The following CDH6 variants were observed in gnomAD, a reference collection of about 807,000 sequenced individuals.
CDH6 encodes the protein cadherin 6.
In CDH6, 31 loss-of-function variants were observed where a neutral mutation model predicts 78.0. The ratio of observed to expected loss-of-function variants is 0.40; its 90% CI spans 0.30 to 0.54. The LOEUF (loss-of-function observed/expected upper bound fraction) is 0.54. Ranked by LOEUF, CDH6 falls within the 20% of genes least tolerant of loss-of-function variation. The pLI is 0.56. For missense variants in CDH6, 724 were observed against 975.9 expected, an observed-to-expected ratio of 0.74 and a Z score of 3.44; for synonymous variants, 376 against 368.8, an observed-to-expected ratio of 1.02 and a Z score of -0.23.
At chr5:31,297,089 C>T (rs1464341410) in intron 3 of CDH6, among the ~76,000 whole-genome samples, 200 bp from the exon 4 acceptor site, 2 of 152,128 alleles carry the variant, frequency 1.3e-5, no homozygotes, top group Non-Finnish European at 2.9e-5. Flanking sequence ...TTTTCTGTAA[C>T]CTAATCCTTA....
At chr5:31,250,049 C>G (rs1452287779) in intron 1 of CDH6, 1 of 152,254 alleles carries the variant, frequency 6.6e-6, no homozygotes, top group East Asian at 1.9e-4. Flanking sequence ...GAACACAACA[C>G]CTCAGACAGA....
At chr5:31,302,029 T>G (rs1737779562) in intron 5 of CDH6, 82 bp from the exon 6 acceptor site, 3 of 863,538 alleles carry the variant, frequency 3.5e-6, no homozygotes, top group Non-Finnish European at 5.3e-6. Context: ...CTTAAAGAAC[T>G]GTTAGAGAAT....
chr5:31,287,690 C>T (rs1743046433), intron 2 of CDH6, among the ~76,000 whole-genome samples: 1 of 152,176 alleles, frequency 6.6e-6, no homozygotes, highest in African/African-American at 2.4e-5. Context: ...GGCAGTGGCT[C>T]TCAAACTTGA....
intron 1 of CDH6, among the ~76,000 whole-genome samples, chr5:31,214,188 C>T (rs2111814649): frequency 1.3e-5 from 2 of 149,544 alleles, no homozygotes; most frequent in South Asian, 4.3e-4. Context: ...AAACCAGACA[C>T]ACTGGGCAAA....
intron 1 of CDH6, among the ~76,000 whole-genome samples, chr5:31,221,930 A>T (rs1741013475): frequency 6.6e-6 from 1 of 152,136 alleles, no homozygotes; most frequent in Admixed American, 6.6e-5. Flanking sequence ...CAAATCTGCT[A>T]GACTTGTTGT....
intron 1 of CDH6, among the ~76,000 whole-genome samples, chr5:31,217,172 G>C (rs547798875): frequency 6.6e-6 from 1 of 152,094 alleles, no homozygotes; most frequent in Non-Finnish European, 1.5e-5. Context: ...TCTCTCTTTT[G>C]TTAGTAGGCA....
chr5:31,266,905 G>A (rs1490041947), intron 1 of CDH6, among the ~76,000 whole-genome samples: 3 of 152,150 alleles, frequency 2.0e-5, no homozygotes, highest in African/African-American at 7.2e-5. Flanking sequence ...ATACATTTTA[G>A]CAAAATTTCA....
At chr5:31,226,746 A>G (rs1346040289) in intron 1 of CDH6, among the ~76,000 whole-genome samples, 2 of 152,236 alleles carry the variant, frequency 1.3e-5, no homozygotes, top group Non-Finnish European at 2.9e-5. Flanking sequence ...TTTACAAACT[A>G]GGAACACAAA....
chr5:31,269,649 A>C (rs1162988415), intron 2 of CDH6, among the ~76,000 whole-genome samples: 1 of 152,256 alleles, frequency 6.6e-6, no homozygotes, highest in African/African-American at 2.4e-5. Flanking sequence ...CAACACATTG[A>C]AGTGGCATAT....
At chr5:31,283,143 G>T (rs549929970) in intron 2 of CDH6, among the ~76,000 whole-genome samples, 1 of 152,144 alleles carries the variant, frequency 6.6e-6, no homozygotes, top group African/African-American at 2.4e-5. Flanking sequence ...TTGGGAAGAC[G>T]CTACTGGCAC....
chr5:31,200,900 T>C (rs1271269254), intron 1 of CDH6, among the ~76,000 whole-genome samples: 2 of 152,196 alleles, frequency 1.3e-5, no homozygotes, highest in East Asian at 1.9e-4. Context: ...AATCAGAGAA[T>C]GTGAGACACA....
chr5:31,273,539 T>C (rs766687469), intron 2 of CDH6, among the ~76,000 whole-genome samples: 28 of 152,258 alleles, frequency 1.8e-4, no homozygotes, highest in Admixed American at 4.6e-4. Context: ...CTCACACTGC[T>C]AAGACCCCGA....
intron 1 of CDH6, among the ~76,000 whole-genome samples, chr5:31,208,670 T>C (rs1740607197): frequency 6.6e-6 from 1 of 152,246 alleles, no homozygotes; most frequent in Non-Finnish European, 1.5e-5. Flanking sequence ...GCTTATCTTT[T>C]AGTTTGTTAT....
intron 2 of CDH6, among the ~76,000 whole-genome samples, chr5:31,282,194 C>T (rs1343164713): frequency 1.3e-5 from 2 of 152,136 alleles, no homozygotes; most frequent in African/African-American, 2.4e-5. Context: ...TTTATCATCT[C>T]ATAATTCTGG....
chr5:31,282,791 T>C (rs1440490324), intron 2 of CDH6, among the ~76,000 whole-genome samples: 1 of 152,224 alleles, frequency 6.6e-6, no homozygotes, highest in Non-Finnish European at 1.5e-5. Flanking sequence ...GTGTTTAGGC[T>C]TAAACTTCTT....
At chr5:31,219,698 C>T (rs991204509) in intron 1 of CDH6, among the ~76,000 whole-genome samples, 1 of 152,118 alleles carries the variant, frequency 6.6e-6, no homozygotes, top group Admixed American at 6.5e-5. Context: ...ATTCCAAGTT[C>T]CAGGAGGGAA....
At chr5:31,297,434 A>G in intron 4 of CDH6, 26 bp downstream of exon 4, 1 of 1,529,994 alleles carries the variant, frequency 6.5e-7, no homozygotes, top group Non-Finnish European at 8.9e-7. Context: ...CTTCCTTTTT[A>G]TAATCTATAA....
chr5:31,316,379 ATCT>A (rs1738324585), intron 9 of CDH6, 50 bp downstream of exon 9: 1 of 1,498,168 alleles, frequency 6.7e-7, no homozygotes, highest in South Asian at 1.2e-5. Context: ...ATTAATTTAG[ATCT>A]TCTTATCATT....
intron 1 of CDH6, among the ~76,000 whole-genome samples, chr5:31,236,747 T>C (rs1456027995): frequency 6.6e-6 from 1 of 152,208 alleles, no homozygotes; most frequent in Non-Finnish European, 1.5e-5. Flanking sequence ...GAACCTGTTT[T>C]GATCAGCAGA....
Sources: gnomAD v4.1 joint callset for allele counts (sites outside exome capture counted in the v4.1 genomes callset) on GRCh38, gnomAD v4.1.1 for gene constraint, MANE v1.5 for transcripts, NCBI Gene and HGNC (gene_info 2026-07-23, HGNC 2026-07-21) for gene names.